ACSM1: variants seen among roughly 807,000 people sequenced by gnomAD.
ACSM1 encodes the protein acyl-coenzyme A synthetase ACSM1, mitochondrial.
A neutral mutation model predicts 75.8 loss-of-function variants in ACSM1; 79 were observed. That is an observed-to-expected ratio of 1.04 (90% CI 0.87 to 1.26). The LOEUF is 1.26. Ranked by LOEUF, ACSM1 falls within the 50% of genes most tolerant of loss-of-function variation. ACSM1 has a pLI of 0.00. For synonymous variants in ACSM1, 279 were observed against 265.8 expected (o/e 1.05, Z -0.48); for missense variants, 676 against 720.1 (o/e 0.94, Z 0.70).
At chr16:20,638,398 A>G (rs1020734369) in intron 8 of ACSM1, among the ~76,000 whole-genome samples, 57 of 152,350 alleles carry the variant, frequency 3.7e-4, no homozygotes, top group African/African-American at 1.3e-3. Context: ...ATTGCAGCCC[A>G]CAGGGCATTA....
rs1386088177 is a variant in ACSM1 at position 20,636,680 on chromosome 16, T to A, written c.1299+59A>T. 3 of 1,243,414 alleles carry A rather than the reference T, an allele frequency of 2.4e-6. No homozygotes were observed. The African/African-American group carries it at 4.5e-5, about 19-fold the overall frequency. 77.0% of individuals were successfully genotyped at this position (1,243,414 alleles called of 1,614,324 possible). ...AAGAGGACTTGAAGAAGCCTCAGGATGCAGAGCTCCCTGTTGGGATCCTTG... is the reference window on the plus strand; with the variant it reads ...AAGAGGACTTGAAGAAGCCTCAGGAAGCAGAGCTCCCTGTTGGGATCCTTG... On this transcript the variant is annotated intron_variant, in intron 10 of 13. Coordinates refer to ENST00000520010, the MANE Select transcript of ACSM1 (RefSeq NM_001318890.3).
intron 2 of ACSM1, among the ~76,000 whole-genome samples, chr16:20,688,448 A>C (rs569444532): frequency 1.3e-5 from 2 of 152,274 alleles, no homozygotes; most frequent in South Asian, 4.2e-4. Context: ...TACAAATATG[A>C]GAAGCTCAAT....
At chr16:20,691,343 T>C in intron 1 of ACSM1, 104 bp from the exon 2 acceptor site, 1 of 591,718 alleles carries the variant, frequency 1.7e-6, no homozygotes, top group Non-Finnish European at 2.8e-6. Flanking sequence ...TTGTTTCAGG[T>C]CACCAGAATT....
intron 13 of ACSM1, 37 bp from the exon 14 acceptor site, chr16:20,623,609 C>T (rs746245671): frequency 2.5e-6 from 4 of 1,581,246 alleles, no homozygotes; most frequent in Non-Finnish European, 3.5e-6. Flanking sequence ...GTGATTGAGT[C>T]CTGCTGCCAT....
intron 11 of ACSM1, 69 bp downstream of exon 11, chr16:20,627,120 T>G: frequency 6.9e-7 from 1 of 1,459,436 alleles, no homozygotes; most frequent in Non-Finnish European, 9.0e-7. Context: ...TGAAAAAATG[T>G]CTAGGTAAGC....
chr16:20,685,825 A>C (rs2079539792), intron 2 of ACSM1, among the ~76,000 whole-genome samples: 1 of 119,026 alleles, frequency 8.4e-6, no homozygotes, highest in Admixed American at 8.0e-5. Context: ...GTCTCAAAAA[A>C]AAAAAACAAA....
chr16:20,672,609 T>C (rs1484535989), intron 4 of ACSM1, among the ~76,000 whole-genome samples: 1 of 132,650 alleles, frequency 7.5e-6, no homozygotes, highest in African/African-American at 2.9e-5. Flanking sequence ...ACATGTCATA[T>C]ATAAATATAA....
chr16:20,688,991 TA>T (rs2079604656), intron 2 of ACSM1, among the ~76,000 whole-genome samples: 1 of 148,330 alleles, frequency 6.7e-6, no homozygotes, highest in African/African-American at 2.4e-5. Flanking sequence ...TATGTTAATA[TA>T]TTATATTATA....
chr16:20,697,109 G>A (rs1022858460), intron 1 of ACSM1, among the ~76,000 whole-genome samples: 1 of 152,014 alleles, frequency 6.6e-6, no homozygotes, highest in Non-Finnish European at 1.5e-5. Flanking sequence ...TTTTGAAACT[G>A]TCACCTGGAC....
intron 7 of ACSM1, among the ~76,000 whole-genome samples, chr16:20,644,191 C>T (rs1567264179): frequency 6.6e-6 from 1 of 152,218 alleles, no homozygotes; most frequent in Non-Finnish European, 1.5e-5. Flanking sequence ...AACCAAGTAA[C>T]CCACAGATGG....
intron 4 of ACSM1, among the ~76,000 whole-genome samples, chr16:20,675,020 G>A (rs899446855): frequency 2.0e-5 from 3 of 152,154 alleles, no homozygotes; most frequent in African/African-American, 4.8e-5. Context: ...CCGATACAGC[G>A]GCAAGTGCAG....
intron 4 of ACSM1, chr16:20,679,596 G>T (rs923243615): frequency 2.0e-5 from 3 of 152,114 alleles, no homozygotes; most frequent in African/African-American, 4.8e-5. Context: ...CACTAATGTT[G>T]TTACCATTTC....
chr16:20,688,837 G>A (rs1407683541), intron 2 of ACSM1, among the ~76,000 whole-genome samples: 1 of 151,732 alleles, frequency 6.6e-6, no homozygotes, highest in African/African-American at 2.4e-5. Context: ...AAGTTCTCTT[G>A]TAAATATAAA....
At chr16:20,653,191 C>T (rs553617246) in intron 7 of ACSM1, among the ~76,000 whole-genome samples, 132 of 152,168 alleles carry the variant, frequency 8.7e-4, no homozygotes, top group Non-Finnish European at 1.6e-3. Flanking sequence ...AGGCCTTTGA[C>T]AAAATTCAAC....
chr16:20,637,274 G>T, intron 9 of ACSM1, 97 bp downstream of exon 9: 1 of 935,652 alleles, frequency 1.1e-6, no homozygotes, highest in Non-Finnish European at 1.8e-6. Flanking sequence ...AAGGATGACT[G>T]GAGCAGGGAA....
chr16:20,672,873 A>T (rs1487112321), intron 4 of ACSM1, among the ~76,000 whole-genome samples: 2 of 130,392 alleles, frequency 1.5e-5, no homozygotes, highest in East Asian at 2.1e-4. Flanking sequence ...TAATATATAA[A>T]TATAAATATA....
intron 10 of ACSM1, among the ~76,000 whole-genome samples, chr16:20,635,393 T>C (rs1411523678): frequency 6.6e-6 from 1 of 152,166 alleles, no homozygotes; most frequent in Non-Finnish European, 1.5e-5. Flanking sequence ...GACCTTGTTT[T>C]TTTCTTTAAA....
Position 20,670,036 on chromosome 16 carries a change from T to A in ACSM1, c.753-50A>T, listed in dbSNP as rs542635021. 8.2e-6 allele frequency: 13 copies of A among 1,590,624 alleles called. No individual in the cohort carries two copies. In the South Asian group the frequency reaches 1.5e-4, roughly 18 times the overall value. ...AGCTGTGTGATCATGGCTGATGTGATGAAGGGCTGTGCACTCTGGTTTTTA... is the reference window on the plus strand; with the variant it reads ...AGCTGTGTGATCATGGCTGATGTGAAGAAGGGCTGTGCACTCTGGTTTTTA... On this transcript the variant is annotated intron_variant, in intron 5 of 13. Transcript: ENST00000520010.
chr16:20,692,698 G>A (rs2079665554), intron 1 of ACSM1, among the ~76,000 whole-genome samples: 1 of 152,144 alleles, frequency 6.6e-6, no homozygotes, highest in African/African-American at 2.4e-5. Context: ...CAATTTCAAG[G>A]TATGGCAAGG....
Sources: allele counts gnomAD v4.1 joint callset (sites outside exome capture counted in the v4.1 genomes callset), GRCh38; gene constraint gnomAD v4.1.1; transcripts MANE v1.5; gene names NCBI Gene and HGNC (gene_info 2026-07-23, HGNC 2026-07-21).